Variants in APBA1 observed in about 807,000 individuals in gnomAD.
The protein encoded by APBA1 is amyloid beta precursor protein binding family A member 1.
Under a neutral mutation model 86.6 loss-of-function variants are expected in APBA1, and 55 were observed. That is an observed-to-expected ratio of 0.64 (90% confidence interval 0.51 to 0.80). The LOEUF is 0.80. Ranked by LOEUF, APBA1 falls within the 30% of genes least tolerant of loss-of-function variation. The probability of loss-of-function intolerance (pLI) is 0.00; values close to 1 mark genes in which losing one functional copy is unlikely to be tolerated. For synonymous variants in APBA1, 511 were observed against 493.9 expected, an observed-to-expected ratio of 1.03 and a Z score of -0.46; for missense variants, 1,090 against 1,183.0, an observed-to-expected ratio of 0.92 and a Z score of 1.15.
intron 1 of APBA1, among the ~76,000 whole-genome samples, chr9:69,647,178 A>T (rs1823408561): frequency 6.6e-6 from 1 of 152,232 alleles, no homozygotes; most frequent in African/African-American, 2.4e-5. Context: ...ATTAGTGGCA[A>T]GACATTTTAT....
At chr9:69,612,038 A>G (rs1822601827) in intron 1 of APBA1, among the ~76,000 whole-genome samples, 1 of 152,152 alleles carries the variant, frequency 6.6e-6, no homozygotes, top group Non-Finnish European at 1.5e-5. Flanking sequence ...TTGTGTCTCT[A>G]TATATTTTAA....
In APBA1 at chr9:69,516,300, G is replaced by A. The variant is rs1836145161; in HGVS notation, c.911C>T (p.Pro304Leu). The stretch of plus-strand genomic sequence containing the variant: ...GTCGGGGCGACCCCCGGCCGGGGTA[G>A]GGGGACGCTCCAGGTCCTGCTCGGC... Reference protein sequence around the residue: ...PEAEQDLERPPTPAGGRPDSP... With the variant: ...PEAEQDLERPLTPAGGRPDSP... The change falls in exon 2 of 13, where the codon CCT (proline) becomes CTT (leucine). Residue 304 changes from proline (P) to leucine (L), a missense_variant. Physicochemically the swap from Pro to Leu is moderately conservative, Grantham distance 98. This residue lies in a region of APBA1 where 678 missense variants were observed against 647.1 expected (regional missense o/e 1.05). Transcript: ENST00000265381. The surrounding 1 kb of genome is among the most constrained non-coding windows in gnomAD (Gnocchi z 7.3). 1 of 1,564,086 alleles carries A rather than the reference G, an allele frequency of 6.4e-7. No individual in the cohort carries two copies. Among genetic ancestry groups the A allele is most frequent in the African/African-American group, 1.4e-5 (1 of 72,152 alleles).
chr9:69,443,618 A>G (rs1220640946), intron 10 of APBA1, among the ~76,000 whole-genome samples: 1 of 152,030 alleles, frequency 6.6e-6, no homozygotes, highest in Non-Finnish European at 1.5e-5. Flanking sequence ...GTCATTGAAC[A>G]CTCACTGTTA....
At chr9:69,473,430 T>C (rs368607155) in intron 3 of APBA1, among the ~76,000 whole-genome samples, 2 of 152,166 alleles carry the variant, frequency 1.3e-5, no homozygotes, top group South Asian at 4.1e-4. Context: ...TAGCCTGGGG[T>C]AATGAGAGTT....
intron 1 of APBA1, among the ~76,000 whole-genome samples, chr9:69,545,422 C>G (rs1588353960): frequency 6.6e-6 from 1 of 152,180 alleles, no homozygotes; most frequent in Non-Finnish European, 1.5e-5. Context: ...TATATCTTGT[C>G]CCCATTTTCT....
intron 1 of APBA1, among the ~76,000 whole-genome samples, chr9:69,651,489 T>C (rs1823500213): frequency 6.6e-6 from 1 of 152,174 alleles, no homozygotes; most frequent in Non-Finnish European, 1.5e-5. Flanking sequence ...TTTTTTTTTT[T>C]CTTGAGACTG....
intron 1 of APBA1, among the ~76,000 whole-genome samples, chr9:69,573,166 A>G (rs899631663): frequency 6.6e-6 from 1 of 152,180 alleles, no homozygotes; most frequent in Admixed American, 6.5e-5. Context: ...CAAAAAAAAT[A>G]AATAAATAAA....
chr9:69,476,520 G>A (rs967666590), intron 2 of APBA1, among the ~76,000 whole-genome samples: 3 of 152,236 alleles, frequency 2.0e-5, no homozygotes, highest in African/African-American at 2.4e-5. Flanking sequence ...TTAGGGTACC[G>A]AATGTCTTAT....
In APBA1 at chr9:69,516,093, T is replaced by G; in HGVS notation, c.1118A>C (p.Glu373Ala). Residue 373 changes from glutamate to alanine, a missense_variant, in exon 2 of 13, where the codon GAG (glutamate) becomes GCG (alanine). Glu to Ala is a moderately radical substitution (Grantham distance 107). This residue lies in a region of APBA1 where 678 missense variants were observed against 647.1 expected (regional missense o/e 1.05). Coordinates refer to ENST00000265381, the MANE Select transcript of APBA1 (RefSeq NM_001163.4). The surrounding 1 kb of genome is among the most constrained non-coding windows in gnomAD (Gnocchi z 7.3). ...RTIRSPYTPD[E>A]PKEPIWVMRQ... is the part of the protein sequence containing the mutation. ...CATGACCCAGATGGGCTCTTTGGGC[T>G]CGTCGGGGGTGTAAGGCGAACGGAT... 1 of 1,613,328 alleles carries G rather than the reference T, an allele frequency of 6.2e-7. No individual in the cohort carries two copies. The highest frequency in any genetic ancestry group is 1.3e-5 in the African/African-American group (1 of 74,984).
In APBA1 at chr9:69,428,662, T is replaced by C. The variant is rs1307036883; in HGVS notation, c.*2665A>G. ...TTAGATATTTACATGTATAACTATA[T>C]ATACTGGGATGACAGAAGGGAAGAC... On this transcript the variant is annotated 3_prime_UTR_variant, in exon 13 of 13. Transcript: ENST00000265381. 1 of 152,188 alleles carries C rather than the reference T, an allele frequency of 6.6e-6. No individual in the cohort carries two copies. Among genetic ancestry groups the C allele is most frequent in the Non-Finnish European group, 1.5e-5 (1 of 68,030 alleles). 9.4% of individuals were successfully genotyped at this position (152,188 alleles called of 1,614,324 possible). A position where few individuals can be genotyped will look rare whatever the true frequency, so the allele number is the denominator to read the frequency against.
At chr9:69,604,833 CACATGAGG>C (rs1227596846) in intron 1 of APBA1, among the ~76,000 whole-genome samples, 1 of 149,774 alleles carries the variant, frequency 6.7e-6, no homozygotes, top group Non-Finnish European at 1.5e-5. Flanking sequence ...CACACATGCA[CACATGAGG>C]GTAAGAGGAG....
rs565252257 is a variant in APBA1 at position 69,610,206 on chromosome 9, G to A, written c.-70+61947C>T. Among the ~76,000 whole-genome samples, 140 of 152,212 alleles carry A rather than the reference G, an allele frequency of 9.2e-4. 1 individual carries two copies. Among genetic ancestry groups the A allele is most frequent in the Non-Finnish European group, 2.4e-4 (16 of 68,002 alleles). Reference sequence around the variant, plus strand: ...GTGGTGGTCCATGCCTATAGTCCTAGCTGCTTTTGAGGCTGAGGCTGGAGG... The same window carrying A: ...GTGGTGGTCCATGCCTATAGTCCTAACTGCTTTTGAGGCTGAGGCTGGAGG... On this transcript the variant is annotated intron_variant, in intron 1 of 12. Transcript: ENST00000265381.
intron 1 of APBA1, among the ~76,000 whole-genome samples, chr9:69,519,115 G>A (rs188293887): frequency 6.6e-6 from 1 of 152,360 alleles, no homozygotes; most frequent in East Asian, 1.9e-4. Context: ...AACAGCGACT[G>A]TGGACTAAGT....
intron 8 of APBA1, among the ~76,000 whole-genome samples, chr9:69,453,242 A>C (rs999065026): frequency 6.6e-6 from 1 of 152,230 alleles, no homozygotes; most frequent in African/African-American, 2.4e-5. Flanking sequence ...ATTTCAGGAT[A>C]GTAATGGGTC....
intron 1 of APBA1, among the ~76,000 whole-genome samples, chr9:69,615,062 T>TGGTGG (rs901649369): frequency 2.6e-5 from 4 of 152,108 alleles, no homozygotes; most frequent in Admixed American, 1.3e-4. Flanking sequence ...TAGCTGGGCG[T>TGGTGG]GGTGGTGTAC....
chr9:69,639,087 T>C (rs899896532), intron 1 of APBA1, among the ~76,000 whole-genome samples: 4 of 152,150 alleles, frequency 2.6e-5, no homozygotes, highest in Non-Finnish European at 5.9e-5. Flanking sequence ...TTCACTAAAT[T>C]ATTATTTAGA....
chr9:69,610,638 T>C (rs1184545105), intron 1 of APBA1, among the ~76,000 whole-genome samples: 1 of 152,134 alleles, frequency 6.6e-6, no homozygotes, highest in Non-Finnish European at 1.5e-5. Context: ...AAAATAAACA[T>C]TACAAATGGT....
intron 10 of APBA1, among the ~76,000 whole-genome samples, chr9:69,448,444 T>A (rs1834948377): frequency 1.3e-5 from 2 of 152,192 alleles, no homozygotes; most frequent in Admixed American, 1.3e-4. Flanking sequence ...GTATAAGATA[T>A]AAGAAAAAGA....
chr9:69,483,027 A>T (rs1235545919), intron 2 of APBA1, among the ~76,000 whole-genome samples: 1 of 150,366 alleles, frequency 6.7e-6, no homozygotes, highest in Non-Finnish European at 1.5e-5. Flanking sequence ...CTAGATGCCG[A>T]GTTAGTGGGT....
Sources: allele counts gnomAD v4.1 joint callset (sites outside exome capture counted in the v4.1 genomes callset), GRCh38; gene constraint gnomAD v4.1.1; regional missense constraint gnomAD v4.1.1; non-coding constraint Gnocchi (gnomAD v3.1); transcripts MANE v1.5; gene names NCBI Gene and HGNC (gene_info 2026-07-23, HGNC 2026-07-21).